The following CNTN4 variants were observed in gnomAD, a reference collection of about 807,000 sequenced individuals.
CNTN4 encodes contactin-4.
CNTN4 carries 77 observed loss-of-function variants against 122.5 expected under a neutral mutation model. That is an observed-to-expected ratio of 0.63 (90% CI 0.52 to 0.76). CNTN4 has a LOEUF of 0.76. Ranked by LOEUF, CNTN4 falls within the 30% of genes least tolerant of loss-of-function variation. CNTN4 has a pLI of 0.00. For synonymous variants in CNTN4, 512 were observed against 447.0 expected, an observed-to-expected ratio of 1.15 and a Z score of -1.83; for missense variants, 1,256 against 1,259.1, an observed-to-expected ratio of 1.00 and a Z score of 0.04.
At chr3:2,690,993 T>C (rs542923906) in intron 4 of CNTN4, among the ~76,000 whole-genome samples, 23 of 152,272 alleles carry the variant, frequency 1.5e-4, no homozygotes, top group Non-Finnish European at 3.2e-4. Context: ...GAGAATACAG[T>C]ATAGGGAAGA....
chr3:2,438,347 C>G (rs2048325198), intron 3 of CNTN4, among the ~76,000 whole-genome samples: 1 of 152,106 alleles, frequency 6.6e-6, no homozygotes, highest in African/African-American at 2.4e-5. Flanking sequence ...CGTGGTGAAA[C>G]CCCATCTCTA....
At chr3:2,383,776 T>C (rs549046819) in intron 3 of CNTN4, among the ~76,000 whole-genome samples, 2 of 148,052 alleles carry the variant, frequency 1.4e-5, no homozygotes, top group Non-Finnish European at 3.0e-5. Context: ...CTCCTCTCCC[T>C]TCCCTCTCCC....
intron 4 of CNTN4, among the ~76,000 whole-genome samples, chr3:2,591,531 A>AT (rs547884283): frequency 5.9e-5 from 5 of 84,880 alleles, no homozygotes; most frequent in Non-Finnish European, 9.9e-5. Context: ...CGCCCGGCTA[A>AT]TTTTTTGTAT....
At chr3:2,150,715 A>G (rs1425903209) in intron 2 of CNTN4, among the ~76,000 whole-genome samples, 1 of 152,240 alleles carries the variant, frequency 6.6e-6, no homozygotes, top group East Asian at 1.9e-4. Flanking sequence ...TCTTAAAGTC[A>G]TTCTCAAGCA....
chr3:3,021,134 G>A (rs1375033892), intron 14 of CNTN4, among the ~76,000 whole-genome samples: 1 of 152,040 alleles, frequency 6.6e-6, no homozygotes, highest in Non-Finnish European at 1.5e-5. Flanking sequence ...GTAGTTTTTT[G>A]CCTTTATCCC....
chr3:2,668,478 T>G (rs2084303505), intron 4 of CNTN4, among the ~76,000 whole-genome samples: 1 of 152,210 alleles, frequency 6.6e-6, no homozygotes, highest in Non-Finnish European at 1.5e-5. Context: ...CTTATCAACT[T>G]AAGGAGATTT....
chr3:2,869,050 G>A (rs12497706), intron 8 of CNTN4, among the ~76,000 whole-genome samples: 23,886 of 152,178 alleles, frequency 0.16, 2,743 homozygotes, highest in East Asian at 0.62. Flanking sequence ...AAGAACAGTT[G>A]AGCGTGGTTG....
chr3:2,664,386 T>G (rs1207345631), intron 4 of CNTN4, among the ~76,000 whole-genome samples: 2 of 151,636 alleles, frequency 1.3e-5, no homozygotes, highest in Non-Finnish European at 2.9e-5. Context: ...ATGGTCACAT[T>G]CTTAAGGCAT....
chr3:2,192,451 T>A (rs1416043857), intron 2 of CNTN4, among the ~76,000 whole-genome samples: 1 of 152,180 alleles, frequency 6.6e-6, no homozygotes, highest in Non-Finnish European at 1.5e-5. Flanking sequence ...CTAATTAAAC[T>A]AAAGAGCTTC....
intron 3 of CNTN4, among the ~76,000 whole-genome samples, chr3:2,528,265 C>A (rs1305356754): frequency 6.6e-6 from 1 of 152,068 alleles, no homozygotes; most frequent in Non-Finnish European, 1.5e-5. Context: ...GAAAGGAAAC[C>A]TCTAAAATTT....
chr3:2,138,257 G>A (rs1389690533), intron 2 of CNTN4, among the ~76,000 whole-genome samples: 2 of 151,818 alleles, frequency 1.3e-5, no homozygotes, highest in Admixed American at 6.6e-5. Context: ...TACTAGGGAC[G>A]GGGTTTCACC....
intron 4 of CNTN4, among the ~76,000 whole-genome samples, chr3:2,613,787 G>A (rs1281640229): frequency 6.6e-6 from 1 of 151,996 alleles, no homozygotes; most frequent in African/African-American, 2.4e-5. Context: ...CTGATTGGGT[G>A]CTATAAAAGT....
chr3:2,843,360 C>A (rs1243795758), intron 7 of CNTN4, among the ~76,000 whole-genome samples: 1 of 152,170 alleles, frequency 6.6e-6, no homozygotes, highest in Non-Finnish European at 1.5e-5. Flanking sequence ...ACCATTGCAA[C>A]CCCAGTCCAA....
intron 14 of CNTN4, among the ~76,000 whole-genome samples, chr3:2,993,477 T>G (rs1025116515): frequency 6.6e-6 from 1 of 151,606 alleles, no homozygotes; most frequent in Non-Finnish European, 1.5e-5. Flanking sequence ...TTTGTATTTT[T>G]TAGTAGAGAC....
At chr3:2,359,799 A>G (rs1382352319) in intron 3 of CNTN4, among the ~76,000 whole-genome samples, 3 of 152,134 alleles carry the variant, frequency 2.0e-5, no homozygotes, top group Non-Finnish European at 2.9e-5. Context: ...TCGGCCTCCC[A>G]AAGTGCTGGG....
At chr3:2,202,180 A>G (rs886887291) in intron 2 of CNTN4, among the ~76,000 whole-genome samples, 5 of 152,170 alleles carry the variant, frequency 3.3e-5, no homozygotes, top group African/African-American at 1.2e-4. Flanking sequence ...GTAGCCATTA[A>G]GCAGTTCTTC....
At chr3:2,378,407 A>G (rs1269013135) in intron 3 of CNTN4, among the ~76,000 whole-genome samples, 1 of 152,178 alleles carries the variant, frequency 6.6e-6, no homozygotes, top group African/African-American at 2.4e-5. Context: ...CACACTGGTT[A>G]GAAGTCAGTC....
chr3:2,525,571 A>G (rs1027237030), intron 3 of CNTN4, among the ~76,000 whole-genome samples: 4 of 152,182 alleles, frequency 2.6e-5, no homozygotes, highest in Non-Finnish European at 4.4e-5. Flanking sequence ...TGTTACTTCA[A>G]TGTTGAACAC....
At position 2,903,965 on chromosome 3, in the gene CNTN4, G is replaced by GATT. The variant is rs113637891; in HGVS notation, c.1207+962_1207+964dup. On this transcript the variant is annotated intron_variant, in intron 12 of 24. Transcript: ENST00000418658. ...GATTATTTTATTAAATGGATTAATA[G>GATT]ATTAGGTCAGTAAAGAATCGAAAAC... Among the ~76,000 whole-genome samples the GATT allele has an allele frequency of 8.8e-3, 1,344 of 152,138 alleles. 22 individuals are homozygous for GATT. Among genetic ancestry groups the GATT allele is most frequent in the African/African-American group, 0.031 (1,278 of 41,508 alleles).
Sources: allele counts gnomAD v4.1 joint callset (sites outside exome capture counted in the v4.1 genomes callset), GRCh38; gene constraint gnomAD v4.1.1; transcripts MANE v1.5; gene names NCBI Gene and HGNC (gene_info 2026-07-23, HGNC 2026-07-21).